RRAGB: variants seen among roughly 807,000 people sequenced by gnomAD.
RRAGB encodes Ras related GTP binding B.
A neutral mutation model predicts 29.3 loss-of-function variants in RRAGB; 6 were observed. The ratio of observed to expected loss-of-function variants is 0.21; its 90% CI spans 0.11 to 0.40. The LOEUF is 0.40. Ranked by LOEUF, RRAGB falls within the 10% of genes least tolerant of loss-of-function variation. The pLI is 1.00. For synonymous variants in RRAGB, 101 were observed against 92.5 expected (o/e 1.09, Z -0.53); for missense variants, 184 against 272.9 (o/e 0.67, Z 2.29).
At chrX:55,752,321 G>A in intron 6 of RRAGB, 1 of 753,574 alleles carries the variant, frequency 1.3e-6, no homozygotes, top group Non-Finnish European at 1.6e-6. Flanking sequence ...TACATAACAC[G>A]ACCAAAGACA....
chrX:55,721,918 G>C (rs2033293613), intron 2 of RRAGB, among the ~76,000 whole-genome samples: 1 of 112,559 alleles, frequency 8.9e-6, no homozygotes, highest in Non-Finnish European at 1.9e-5. Context: ...TATTAATGGT[G>C]CATCTTAATA....
chrX:55,727,166 T>G, intron 3 of RRAGB: 9 of 493,284 alleles, frequency 1.8e-5, no homozygotes, highest in East Asian at 8.5e-5. Flanking sequence ...GGTCACTTGA[T>G]GAGAATAATT....
chrX:55,720,976 T>G (rs944628035), intron 2 of RRAGB, among the ~76,000 whole-genome samples: 1 of 112,318 alleles, frequency 8.9e-6, no homozygotes, highest in African/African-American at 3.2e-5. Context: ...CAAAAGTCAC[T>G]TTACTAAATT....
chrX:55,731,252 A>T, intron 4 of RRAGB, 112 bp from the exon 5 acceptor site: 2 of 558,985 alleles, frequency 3.6e-6, no homozygotes, highest in Non-Finnish European at 5.7e-6. Flanking sequence ...TTTGCCCTTT[A>T]AATTGAAGCC....
chrX:55,752,623 G>A (rs993143832), intron 6 of RRAGB, among the ~76,000 whole-genome samples: 1 of 111,925 alleles, frequency 8.9e-6, no homozygotes, highest in African/African-American at 3.3e-5. Context: ...CCAGGTTCCT[G>A]CCCTCTTGTA....
chrX:55,748,956 A>G (rs1405225461), intron 5 of RRAGB, among the ~76,000 whole-genome samples: 1 of 70,894 alleles, frequency 1.4e-5, no homozygotes, highest in East Asian at 4.9e-4. Context: ...TCCGGGAGGG[A>G]GGTGGGGGAG....
At chrX:55,722,012 T>G (rs2033298235) in intron 2 of RRAGB, among the ~76,000 whole-genome samples, 174 bp from the exon 3 acceptor site, 1 of 112,805 alleles carries the variant, frequency 8.9e-6, no homozygotes, top group African/African-American at 3.2e-5. Context: ...TCTAAGTATC[T>G]CTGCATTCAC....
chrX:55,737,672 C>T (rs1022662113), intron 5 of RRAGB, among the ~76,000 whole-genome samples: 1 of 112,747 alleles, frequency 8.9e-6, no homozygotes, highest in African/African-American at 3.2e-5. Context: ...GGTGCACTCC[C>T]TGTTCCCATA....
Position 55,718,269 on chromosome X carries a change from A to G in RRAGB, c.-59A>G. The G allele has an allele frequency of 1.1e-6, 1 of 926,142 alleles. No homozygotes were observed. The highest frequency in any genetic ancestry group is 1.5e-6 in the Non-Finnish European group (1 of 670,928). The allele number at this position is 926,142 out of a possible 1,213,427, so 76.3% of individuals were successfully genotyped here. ...TGAAAAAGAAAACAAACAAACAACAACAACAAACCCTGAAGAGTACTGAAG... is the reference window on the plus strand; with the variant it reads ...TGAAAAAGAAAACAAACAAACAACAGCAACAAACCCTGAAGAGTACTGAAG... On this transcript the variant is annotated 5_prime_UTR_variant, in exon 1 of 10. Transcript: ENST00000374941.
At chrX:55,734,075 T>C (rs778775165) in intron 5 of RRAGB, among the ~76,000 whole-genome samples, 7 of 109,694 alleles carry the variant, frequency 6.4e-5, no homozygotes, top group African/African-American at 2.0e-4. Flanking sequence ...GCCATTCTCC[T>C]GCCTCAGCCT....
At chrX:55,756,835 A>T (rs1280052268) in intron 8 of RRAGB, among the ~76,000 whole-genome samples, 2 of 111,686 alleles carry the variant, frequency 1.8e-5, no homozygotes, top group African/African-American at 6.5e-5. Context: ...GCACCTCTGT[A>T]GTCCCAGCTA....
intron 5 of RRAGB, among the ~76,000 whole-genome samples, chrX:55,741,976 T>A (rs2034090268): frequency 8.9e-6 from 1 of 112,139 alleles, no homozygotes; most frequent in East Asian, 2.8e-4. Context: ...AAGGTCATAC[T>A]TCCATTTAAC....
intron 5 of RRAGB, among the ~76,000 whole-genome samples, chrX:55,750,169 C>CAT: frequency 1.4e-5 from 1 of 73,693 alleles, no homozygotes; most frequent in Middle Eastern, 6.7e-3. Context: ...TATACATATA[C>CAT]ATACATACAT....
chrX:55,741,295 C>A (rs2034061400), intron 5 of RRAGB, among the ~76,000 whole-genome samples: 2 of 111,670 alleles, frequency 1.8e-5, no homozygotes, highest in Admixed American at 1.9e-4. Flanking sequence ...CGTTCGTTAG[C>A]AGTTCCTGAG....
rs758954773 is a variant in RRAGB, at chrX:55,719,355, G to A, written c.126+8G>A. On this transcript the variant is annotated splice_region_variant and intron_variant, in intron 2 of 9. Coordinates refer to ENST00000374941, the MANE Select transcript of RRAGB (RefSeq NM_006064.5). The stretch of plus-strand genomic sequence containing the variant: ...ACAGCCATGAAGAAAAAGGTAAGAC[G>A]TGTTAGATACGTCAAAACCATGAAG... The A allele has an allele frequency of 7.7e-6, 9 of 1,167,029 alleles. No homozygotes were observed. In the Admixed American group the frequency reaches 1.2e-4, roughly 16 times the overall value.
chrX:55,742,859 G>A (rs772891203), intron 5 of RRAGB, among the ~76,000 whole-genome samples: 2 of 111,592 alleles, frequency 1.8e-5, no homozygotes, highest in Admixed American at 9.5e-5. Context: ...ACCTTGCCTA[G>A]CTCTGCAAAG....
At chrX:55,746,653 G>C (rs981879726) in intron 5 of RRAGB, among the ~76,000 whole-genome samples, 2 of 112,178 alleles carry the variant, frequency 1.8e-5, no homozygotes, top group African/African-American at 6.5e-5. Flanking sequence ...AAATGAATCT[G>C]TTAATACTTG....
At chrX:55,747,180 A>G (rs1437000309) in intron 5 of RRAGB, among the ~76,000 whole-genome samples, 1 of 112,199 alleles carries the variant, frequency 8.9e-6, no homozygotes, top group Non-Finnish European at 1.9e-5. Context: ...AATATCAGAT[A>G]TGGATGGAGT....
At chrX:55,733,130 C>T (rs1324935608) in intron 5 of RRAGB, among the ~76,000 whole-genome samples, 1 of 111,293 alleles carries the variant, frequency 9.0e-6, no homozygotes, top group African/African-American at 3.3e-5. Context: ...ACAACCTCCC[C>T]GTTTCTGTGT....
Sources: gnomAD v4.1 joint callset for allele counts (sites outside exome capture counted in the v4.1 genomes callset) on GRCh38, gnomAD v4.1.1 for gene constraint, MANE v1.5 for transcripts, NCBI Gene and HGNC (gene_info 2026-07-23, HGNC 2026-07-21) for gene names.